YLPM1: variants seen among roughly 807,000 people sequenced by gnomAD.
YLPM1 encodes the protein YLP motif containing 1, also known as YLP motif-containing protein 1.
A neutral mutation model predicts 230.0 loss-of-function variants in YLPM1; 99 were observed. The ratio of observed to expected loss-of-function variants is 0.43; its 90% CI spans 0.37 to 0.51. The LOEUF (loss-of-function observed/expected upper bound fraction) is 0.51. YLPM1 is among the 20% of genes least tolerant of loss of function. The pLI, the probability that YLPM1 is intolerant of heterozygous loss-of-function variation, is 0.00. For missense variants in YLPM1, 2,592 were observed against 2,707.7 expected, an observed-to-expected ratio of 0.96 and a Z score of 0.95; for synonymous variants, 984 against 942.5, an observed-to-expected ratio of 1.04 and a Z score of -0.81.
chr14:74,805,538 A>G (rs2091369407), intron 6 of YLPM1, among the ~76,000 whole-genome samples: 1 of 149,916 alleles, frequency 6.7e-6, no homozygotes, highest in Non-Finnish European at 1.5e-5. Context: ...GTTAGTAGGG[A>G]CAGGGTCTCG....
chr14:74,798,390 A>G lies in YLPM1; in HGVS notation c.3093A>G (p.Thr1031=), dbSNP rs1052578963. ...RGPGQSRMED[T]RDKGLVNRGR... ...CTGGGCAAAGCAGAATGGAAGACAC[A>G]CGGGATAAAGGTCTAGTAAACAGAG... is the stretch of plus-strand genomic sequence containing the variant. The change falls in exon 5 of 21, where the codon ACA becomes ACG. Residue 1031 remains threonine (T), a synonymous_variant. Coordinates refer to ENST00000325680, the MANE Select transcript of YLPM1 (RefSeq NM_019589.3). The G allele has an allele frequency of 1.1e-5, 18 of 1,613,934 alleles. No individual in the cohort carries two copies. Among genetic ancestry groups the G allele is most frequent in the Non-Finnish European group, 1.4e-5 (17 of 1,179,914 alleles).
At chr14:74,787,140 G>T (rs548251651) in intron 4 of YLPM1, among the ~76,000 whole-genome samples, 26 of 151,834 alleles carry the variant, frequency 1.7e-4, no homozygotes, top group African/African-American at 6.3e-4. Flanking sequence ...CCCATTTTTT[G>T]ACTAGGTTTT....
chr14:74,789,606 CT>C lies in YLPM1; in HGVS notation c.2282+7297del, dbSNP rs145215430. 3.4e-3 allele frequency among the ~76,000 whole-genome samples: 423 copies of C among 125,420 alleles called. 1 individual carries two copies. Among genetic ancestry groups the C allele is most frequent in the Middle Eastern group, 4.0e-3 (1 of 248 alleles). The allele number at this position is 125,420 out of a possible 152,430, so 82.3% of individuals were successfully genotyped here. A position where few individuals can be genotyped will look rare whatever the true frequency, so the allele number is the denominator to read the frequency against. ...TCTGTTAAATATTTTTCTTTCTTTT[CT>C]TTTTTTTTTTTTTTTCACATTTAAA... On this transcript the variant is annotated intron_variant, in intron 4 of 20. Transcript: ENST00000325680.
Position 74,764,247 on chromosome 14 carries a change from C to T in YLPM1, c.758C>T (p.Pro253Leu), listed in dbSNP as rs539871695. 6.2e-7 allele frequency: 1 copy of T among 1,613,932 alleles called. No homozygotes were observed. The highest frequency in any genetic ancestry group is 8.5e-7 in the Non-Finnish European group (1 of 1,179,876). ...CTAGCTCCACCACCACCGTCCGCCC[C>T]CCCTGGAAATAAGACAACTGTCCAG... ...QLLAPPPPSA[P>L]PGNKTTVQQE... Residue 253 changes from proline (P) to leucine (L), a missense_variant, in exon 1 of 21, where the codon CCC (proline) becomes CTC (leucine). By Grantham distance (98) the Pro-to-Leu change is moderately conservative. This residue lies in a region of YLPM1 where 1,862 missense variants were observed against 1,819.8 expected (regional missense o/e 1.02). Transcript: ENST00000325680.
Position 74,815,405 on chromosome 14 carries a change from C to T in YLPM1, c.5503-798C>T, listed in dbSNP as rs541916544. Among the ~76,000 whole-genome samples the T allele has an allele frequency of 2.6e-5, 4 of 151,834 alleles. No individual in the cohort carries two copies. In the East Asian group the frequency reaches 7.8e-4, roughly 29 times the overall value. On this transcript the variant is annotated intron_variant, in intron 11 of 20. Coordinates refer to ENST00000325680, the MANE Select transcript of YLPM1 (RefSeq NM_019589.3). Reference sequence around the variant, plus strand: ...GGTGAAACCCCATCTCTACTAAAAACACAAAAATTAGGCGGGCGTGGTGGC... The same window carrying T: ...GGTGAAACCCCATCTCTACTAAAAATACAAAAATTAGGCGGGCGTGGTGGC...
chr14:74,769,939 T>C, intron 1 of YLPM1, among the ~76,000 whole-genome samples: 1 of 145,996 alleles, frequency 6.8e-6, no homozygotes. Flanking sequence ...TCCCAGCACT[T>C]TGGGAGGCCT....
chr14:74,817,128 A>G (rs1346731985), intron 14 of YLPM1, 21 bp downstream of exon 14: 9 of 1,599,826 alleles, frequency 5.6e-6, no homozygotes, highest in Non-Finnish European at 7.7e-6. Flanking sequence ...AAAGAACTTT[A>G]AAGTACTTTG....
Position 74,763,384 on chromosome 14 carries a change from C to CG in YLPM1, c.-106_-105insG. On this transcript the variant is annotated 5_prime_UTR_variant, in exon 1 of 21. Transcript: ENST00000325680. ...GCGCTCCGTTTACACGCTCCGGGGC[C>CG]TGTAGGCGCCGCGAGTTCCGGCTGT... is the stretch of plus-strand genomic sequence containing the variant. 3 of 1,343,142 alleles carry CG rather than the reference C, an allele frequency of 2.2e-6. No homozygotes were observed. The highest frequency in any genetic ancestry group is 2.9e-6 in the Non-Finnish European group (3 of 1,030,764). The allele number at this position is 1,343,142 out of a possible 1,614,324, so 83.2% of individuals were successfully genotyped here. A position where few individuals can be genotyped will look rare whatever the true frequency, so the allele number is the denominator to read the frequency against.
intron 11 of YLPM1, 124 bp downstream of exon 11, chr14:74,812,906 A>C: frequency 1.6e-6 from 2 of 1,265,136 alleles, no homozygotes; most frequent in Non-Finnish European, 1.1e-6. Context: ...AAGACGTTTT[A>C]CTATCTCTAA....
rs2091420256 is a variant in YLPM1, at chr14:74,810,225, A to G, written c.5033A>G (p.Glu1678Gly). ...PLPERSTFET[E>G]HAGQRDRYDR... ...TATTTTGTACTAATTGTTTTTGTAGAGCATGCAGGCCAACGTGATCGTTAT... is the reference window on the plus strand; with the variant it reads ...TATTTTGTACTAATTGTTTTTGTAGGGCATGCAGGCCAACGTGATCGTTAT... Residue 1678 changes from glutamate to glycine, a missense_variant and splice_region_variant, in exon 9 of 21, where the codon GAG (glutamate) becomes GGG (glycine). Physicochemically the swap from Glu to Gly is moderately conservative, Grantham distance 98 (BLOSUM62 -2). This residue lies in a region of YLPM1 where 403 missense variants were observed against 426.7 expected (regional missense o/e 0.94). Coordinates refer to ENST00000325680, the MANE Select transcript of YLPM1 (RefSeq NM_019589.3). 6.2e-7 allele frequency: 1 copy of G among 1,612,614 alleles called. No homozygotes were observed. The highest frequency in any genetic ancestry group is 8.5e-7 in the Non-Finnish European group (1 of 1,179,192).
intron 17 of YLPM1, among the ~76,000 whole-genome samples, chr14:74,822,544 G>T (rs1330861196): frequency 6.6e-6 from 1 of 152,158 alleles, no homozygotes; most frequent in African/African-American, 2.4e-5. Flanking sequence ...CAAGCAATGG[G>T]AGAGTAATAT....
At chr14:74,778,281 G>C (rs2091061214) in intron 1 of YLPM1, among the ~76,000 whole-genome samples, 166 bp from the exon 2 acceptor site, 1 of 152,098 alleles carries the variant, frequency 6.6e-6, no homozygotes, top group Non-Finnish European at 1.5e-5. Context: ...TTTTTCTGTA[G>C]CCTGTGTTTA....
intron 4 of YLPM1, among the ~76,000 whole-genome samples, chr14:74,789,889 G>C (rs1049403763): frequency 8.0e-5 from 12 of 150,526 alleles, no homozygotes; most frequent in African/African-American, 2.4e-4. Flanking sequence ...CTTCCAAAGT[G>C]TTGGTATTAC....
intron 4 of YLPM1, among the ~76,000 whole-genome samples, chr14:74,787,892 G>A (rs549907916): frequency 6.6e-6 from 1 of 152,172 alleles, no homozygotes; most frequent in South Asian, 2.1e-4. Context: ...GTGCACACCT[G>A]CAATCTCAGC....
At chr14:74,812,162 C>A (rs1277825623) in intron 10 of YLPM1, among the ~76,000 whole-genome samples, 1 of 151,996 alleles carries the variant, frequency 6.6e-6, no homozygotes, top group African/African-American at 2.4e-5. Flanking sequence ...AATATAAGAC[C>A]AAGACCCTTA....
intron 6 of YLPM1, among the ~76,000 whole-genome samples, chr14:74,804,261 TG>T (rs1278357251): frequency 6.6e-6 from 1 of 152,246 alleles, no homozygotes; most frequent in African/African-American, 2.4e-5. Context: ...AGCGTCGATG[TG>T]ATTTGTGGCC....
chr14:74,819,830 A>C (rs144721091), intron 16 of YLPM1, among the ~76,000 whole-genome samples: 1 of 152,004 alleles, frequency 6.6e-6, no homozygotes, highest in African/African-American at 2.4e-5. Flanking sequence ...TTTTTTGGCT[A>C]TCTCTTTTCA....
At chr14:74,813,535 C>T (rs892855438) in intron 11 of YLPM1, among the ~76,000 whole-genome samples, 49 of 152,112 alleles carry the variant, frequency 3.2e-4, no homozygotes, top group African/African-American at 1.2e-3. Flanking sequence ...CCGTAGGACA[C>T]AGCGGATCGT....
chr14:74,783,445 C>T (rs1383885014), intron 4 of YLPM1, among the ~76,000 whole-genome samples: 1 of 152,052 alleles, frequency 6.6e-6, no homozygotes, highest in Non-Finnish European at 1.5e-5. Context: ...AATGGGTACT[C>T]CTTATACAAA....
Sources: allele counts gnomAD v4.1 joint callset (sites outside exome capture counted in the v4.1 genomes callset), GRCh38; gene constraint gnomAD v4.1.1; regional missense constraint gnomAD v4.1.1; transcripts MANE v1.5; gene names NCBI Gene and HGNC (gene_info 2026-07-23, HGNC 2026-07-21).